CLNK: variants seen among roughly 807,000 people sequenced by gnomAD.
The protein encoded by CLNK is cytokine-dependent hematopoietic cell linker.
In CLNK, 74 loss-of-function variants were observed where a neutral mutation model predicts 68.6. The ratio of observed to expected loss-of-function variants is 1.08; its 90% confidence interval spans 0.89 to 1.31. The LOEUF (loss-of-function observed/expected upper bound fraction) is 1.31, where lower values mean the gene tolerates loss of function less well. Ranked by LOEUF, CLNK falls within the 50% of genes most tolerant of loss-of-function variation. The pLI is 0.00. For missense variants in CLNK, 553 were observed against 515.3 expected (o/e 1.07, Z -0.71); for synonymous variants, 198 against 172.2 (o/e 1.15, Z -1.17).
chr4:10,634,136 C>T (rs1722991732), intron 2 of CLNK, among the ~76,000 whole-genome samples: 1 of 152,056 alleles, frequency 6.6e-6, no homozygotes, highest in African/African-American at 2.4e-5. Flanking sequence ...TTTAAGGTGC[C>T]AGAGCTCAGA....
chr4:10,699,098 C>T, the CLNK span, among the ~76,000 whole-genome samples: 1 of 151,822 alleles, frequency 6.6e-6, no homozygotes, highest in Admixed American at 6.6e-5. Context: ...GTCAGGTTTC[C>T]TGGGTCTCTA....
At chr4:10,691,574 T>A in the CLNK span, among the ~76,000 whole-genome samples, 9 of 151,916 alleles carry the variant, frequency 5.9e-5, no homozygotes, top group Non-Finnish European at 1.3e-4. Flanking sequence ...TTTAGACAAA[T>A]CTGGCTGGGA....
At chr4:10,581,204 C>A (rs1295282916) in intron 4 of CLNK, among the ~76,000 whole-genome samples, 1 of 152,128 alleles carries the variant, frequency 6.6e-6, no homozygotes, top group Non-Finnish European at 1.5e-5. Flanking sequence ...GTTACACAAT[C>A]TAGGTTTGTG....
chr4:10,525,593 G>A lies in CLNK; in HGVS notation c.731+248C>T, dbSNP rs527965826. Reference sequence around the variant, plus strand: ...CATCTTTTCCCGTTAATCCTATCTGGTTAATATTTAATCCTTAAAATTTCC... The same window carrying A: ...CATCTTTTCCCGTTAATCCTATCTGATTAATATTTAATCCTTAAAATTTCC... On this transcript the variant is annotated intron_variant, in intron 14 of 18. Coordinates refer to ENST00000226951, the MANE Select transcript of CLNK (RefSeq NM_052964.4). Among the ~76,000 whole-genome samples the A allele has an allele frequency of 5.3e-5, 8 of 152,220 alleles. No individual in the cohort carries two copies. The South Asian group carries it at 1.0e-3, about 20-fold the overall frequency.
chr4:10,616,967 T>C (rs745523190), intron 2 of CLNK, among the ~76,000 whole-genome samples: 2 of 152,004 alleles, frequency 1.3e-5, no homozygotes, highest in Non-Finnish European at 1.5e-5. Context: ...AGCTAGTACA[T>C]GGCACACCTA....
intron 6 of CLNK, 82 bp downstream of exon 6, chr4:10,565,927 C>A (rs1427130256): frequency 2.0e-6 from 3 of 1,468,360 alleles, no homozygotes; most frequent in South Asian, 1.3e-5. Flanking sequence ...TTGTTTAATT[C>A]AGAAACCGCA....
chr4:10,667,772 T>G, intron 2 of CLNK, 87 bp downstream of exon 2: 1 of 1,318,462 alleles, frequency 7.6e-7, no homozygotes, highest in South Asian at 1.5e-5. Context: ...CACATTGGCA[T>G]CATTTCTCAG....
intron 3 of CLNK, among the ~76,000 whole-genome samples, chr4:10,596,315 A>G (rs769206504): frequency 3.9e-5 from 6 of 152,214 alleles, no homozygotes; most frequent in Non-Finnish European, 8.8e-5. Flanking sequence ...ATAAGCCACC[A>G]CATCTGGCTT....
intron 2 of CLNK, among the ~76,000 whole-genome samples, chr4:10,650,033 T>C (rs1470647762): frequency 6.6e-6 from 1 of 152,132 alleles, no homozygotes. Context: ...AGTGTACATA[T>C]TATGTTTAAC....
chr4:10,696,620 A>G, the CLNK span, among the ~76,000 whole-genome samples: 1 of 152,312 alleles, frequency 6.6e-6, no homozygotes. Flanking sequence ...GGAGAAGAGC[A>G]CCACAAGAAA....
intron 9 of CLNK, 66 bp from the exon 10 acceptor site, chr4:10,542,107 T>G: frequency 7.3e-7 from 1 of 1,376,942 alleles, no homozygotes; most frequent in African/African-American, 1.5e-5. Context: ...TGGCTAACAG[T>G]TTTTTGGTTT....
At chr4:10,641,731 T>C (rs199868304) in intron 2 of CLNK, among the ~76,000 whole-genome samples, 1 of 152,172 alleles carries the variant, frequency 6.6e-6, no homozygotes, top group East Asian at 1.9e-4. Flanking sequence ...ACTGATATGG[T>C]TTGGCTGTGT....
At chr4:10,710,027 G>T in the CLNK span, among the ~76,000 whole-genome samples, 65 of 152,146 alleles carry the variant, frequency 4.3e-4, no homozygotes, top group African/African-American at 1.3e-3. Flanking sequence ...TTGATATGGT[G>T]GTGTTTGTTA....
chr4:10,725,505 AC>A, the CLNK span, among the ~76,000 whole-genome samples: 13 of 150,814 alleles, frequency 8.6e-5, no homozygotes, highest in South Asian at 6.3e-4. Flanking sequence ...AGAAGTGACT[AC>A]CCCCCCATAA....
chr4:10,733,622 G>T, the CLNK span, among the ~76,000 whole-genome samples: 5 of 152,176 alleles, frequency 3.3e-5, no homozygotes, highest in Middle Eastern at 3.2e-3. Flanking sequence ...GGTTTGCCAT[G>T]CATCTGTGTG....
intron 1 of CLNK, among the ~76,000 whole-genome samples, chr4:10,683,607 A>G (rs142331115): frequency 3.0e-4 from 45 of 152,338 alleles, no homozygotes; most frequent in African/African-American, 9.1e-4. Flanking sequence ...AGGGAAAGTA[A>G]TAGCCAGCTC....
At chr4:10,525,953 G>C in intron 13 of CLNK, 31 bp from the exon 14 acceptor site, 1 of 1,357,872 alleles carries the variant, frequency 7.4e-7, no homozygotes, top group Non-Finnish European at 1.0e-6. Flanking sequence ...ATTTGGTCAG[G>C]TTGCAAAAGA....
At position 10,575,167 on chromosome 4, in the gene CLNK, G is replaced by A. The variant is rs554700986; in HGVS notation, c.113-3389C>T. On this transcript the variant is annotated intron_variant, in intron 4 of 18. Transcript: ENST00000226951. ...GTACTGCACTCATTGTGGTAATCCC[G>A]TACCTATCTCCATTGTCTGGAATAA... 3.3e-5 allele frequency among the ~76,000 whole-genome samples: 5 copies of A among 152,192 alleles called. No individual in the cohort carries two copies. The East Asian group carries it at 5.8e-4, about 18-fold the overall frequency.
intron 2 of CLNK, among the ~76,000 whole-genome samples, chr4:10,616,206 C>T (rs1247667941): frequency 1.3e-5 from 2 of 152,146 alleles, no homozygotes; most frequent in African/African-American, 4.8e-5. Flanking sequence ...CTCTTCACCA[C>T]CCTCAATTTA....
Sources: allele counts gnomAD v4.1 joint callset (sites outside exome capture counted in the v4.1 genomes callset), GRCh38; gene constraint gnomAD v4.1.1; transcripts MANE v1.5; gene names NCBI Gene and HGNC (gene_info 2026-07-23, HGNC 2026-07-21).